The following MAN1A1 variants were observed in gnomAD, a reference collection of about 807,000 sequenced individuals.
MAN1A1 encodes the protein mannosidase alpha class 1A member 1.
In MAN1A1, 29 loss-of-function variants were observed where a neutral mutation model predicts 70.8. The observed-to-expected ratio is 0.41, with a 90% CI of 0.31 to 0.56. The LOEUF (loss-of-function observed/expected upper bound fraction) is 0.56, where lower values mean the gene tolerates loss of function less well. Ranked by LOEUF, MAN1A1 falls within the 20% of genes least tolerant of loss-of-function variation. MAN1A1 has a pLI of 0.29. For missense variants in MAN1A1, 747 were observed against 841.3 expected, an observed-to-expected ratio of 0.89 and a Z score of 1.39; for synonymous variants, 349 against 330.1, an observed-to-expected ratio of 1.06 and a Z score of -0.62.
chr6:119,296,495 C>T (rs531466117), intron 4 of MAN1A1, among the ~76,000 whole-genome samples: 2 of 152,198 alleles, frequency 1.3e-5, no homozygotes, highest in African/African-American at 4.8e-5. Context: ...TAAAACAGAC[C>T]TTTCTCAGGA....
rs1235923036 is a variant in MAN1A1, at chr6:119,349,701, T to G, written c.-382A>C. 1.0e-6 allele frequency: 1 copy of G among 985,658 alleles called. No homozygotes were observed. The highest frequency in any genetic ancestry group is 1.2e-6 in the Non-Finnish European group (1 of 830,056). 61.1% of individuals were successfully genotyped at this position (985,658 alleles called of 1,614,324 possible). ...GCTCAGGTGGGCGAGCGCGCCGACC[T>G]GCGGGCGAATGGCAGCGAGTAGAGC... On this transcript the variant is annotated 5_prime_UTR_variant, in exon 1 of 13. Coordinates refer to ENST00000368468, the MANE Select transcript of MAN1A1 (RefSeq NM_005907.4).
chr6:119,241,528 C>G (rs538784012), intron 6 of MAN1A1, among the ~76,000 whole-genome samples: 6 of 152,194 alleles, frequency 3.9e-5, no homozygotes, highest in Non-Finnish European at 7.3e-5. Context: ...CAGAATCAGG[C>G]TCTCTGCTTA....
chr6:119,204,038 A>G (rs1773790106), intron 7 of MAN1A1, among the ~76,000 whole-genome samples: 1 of 152,208 alleles, frequency 6.6e-6, no homozygotes, highest in South Asian at 2.1e-4. Flanking sequence ...CAGAAGGAGC[A>G]TCCAGCAAAA....
chr6:119,316,951 CTTTT>C (rs11362337), intron 2 of MAN1A1, among the ~76,000 whole-genome samples: 2 of 138,134 alleles, frequency 1.4e-5, no homozygotes, highest in Admixed American at 7.3e-5. Context: ...TATTATTATT[CTTTT>C]TTTTTTTTTT....
intron 7 of MAN1A1, among the ~76,000 whole-genome samples, chr6:119,201,953 G>A (rs1582691702): frequency 1.3e-5 from 2 of 152,144 alleles, no homozygotes; most frequent in South Asian, 4.2e-4. Flanking sequence ...AAGTTGCAGT[G>A]GATGAGTTAG....
rs1775221584 is a variant in MAN1A1, at chr6:119,248,269, T to C, written c.983A>G (p.Asn328Ser). ...AAATGAAGAGTTTTACCTTTTCATA[T>C]TCAGCAATGCCCAAGGTATTCCAGA... ...TPSGIPWALL[N>S]MKSGIGRNWP... The change falls in exon 6 of 13, where the codon AAT becomes AGT. Residue 328 changes from asparagine to serine, a missense_variant. Transcript: ENST00000368468. 2 of 1,606,468 alleles carry C rather than the reference T, an allele frequency of 1.2e-6. No individual in the cohort carries two copies. Among genetic ancestry groups the C allele is most frequent in the Admixed American group, 1.7e-5 (1 of 59,798 alleles).
At chr6:119,203,095 T>C (rs1469152789) in intron 7 of MAN1A1, among the ~76,000 whole-genome samples, 1 of 152,160 alleles carries the variant, frequency 6.6e-6, no homozygotes, top group African/African-American at 2.4e-5. Context: ...AGGCTCAGAA[T>C]AAAACCTACC....
intron 6 of MAN1A1, among the ~76,000 whole-genome samples, chr6:119,220,684 C>A (rs1228976105): frequency 6.6e-6 from 1 of 152,166 alleles, no homozygotes; most frequent in Non-Finnish European, 1.5e-5. Flanking sequence ...TATTAAGTGG[C>A]AAGGGTGGGT....
intron 6 of MAN1A1, among the ~76,000 whole-genome samples, chr6:119,242,134 G>GACACACACACACACAC (rs139698571): frequency 0.022 from 3,368 of 150,532 alleles, 55 homozygotes; most frequent in African/African-American, 0.036. Flanking sequence ...CAGACAGACA[G>GACACACACACACACAC]ACACACACAC....
chr6:119,290,531 T>A, intron 5 of MAN1A1, 152 bp downstream of exon 5: 2 of 578,398 alleles, frequency 3.5e-6, no homozygotes, highest in South Asian at 4.8e-5. Flanking sequence ...CATTAGTACA[T>A]ATTGTAAGAA....
intron 5 of MAN1A1, among the ~76,000 whole-genome samples, chr6:119,283,650 T>G (rs140859996): frequency 2.0e-5 from 3 of 152,056 alleles, no homozygotes; most frequent in African/African-American, 7.2e-5. Context: ...GTGAAAGACA[T>G]TCTAGGTAGA....
chr6:119,320,708 G>A (rs1772981801), intron 2 of MAN1A1, among the ~76,000 whole-genome samples: 1 of 151,880 alleles, frequency 6.6e-6, no homozygotes, highest in Non-Finnish European at 1.5e-5. Flanking sequence ...AATTTGAGGA[G>A]TTTTTCTCCA....
intron 6 of MAN1A1, among the ~76,000 whole-genome samples, chr6:119,208,243 C>G (rs1582697359): frequency 6.6e-6 from 1 of 152,218 alleles, no homozygotes; most frequent in African/African-American, 2.4e-5. Context: ...CTACATCACT[C>G]TAATTATTTA....
chr6:119,298,897 A>G (rs1042949770), intron 4 of MAN1A1, among the ~76,000 whole-genome samples: 2 of 152,170 alleles, frequency 1.3e-5, no homozygotes, highest in South Asian at 2.1e-4. Context: ...CGCCTGGCCA[A>G]CTTTTTAAAT....
intron 6 of MAN1A1, among the ~76,000 whole-genome samples, chr6:119,244,401 A>G (rs1185106506): frequency 1.3e-5 from 2 of 152,120 alleles, no homozygotes; most frequent in Non-Finnish European, 2.9e-5. Flanking sequence ...TTGGTGAAGG[A>G]AACATGTTAG....
chr6:119,336,905 T>C (rs1328901856), intron 2 of MAN1A1, among the ~76,000 whole-genome samples: 1 of 151,940 alleles, frequency 6.6e-6, no homozygotes, highest in Admixed American at 6.6e-5. Flanking sequence ...GTATTCTAGG[T>C]AATAAAGAAA....
chr6:119,181,281 A>G (rs1290915740), intron 11 of MAN1A1, among the ~76,000 whole-genome samples: 1 of 152,170 alleles, frequency 6.6e-6, no homozygotes, highest in Non-Finnish European at 1.5e-5. Context: ...ATCATAAACC[A>G]CTGGTTGAGA....
intron 5 of MAN1A1, among the ~76,000 whole-genome samples, chr6:119,285,033 C>A (rs962905282): frequency 2.8e-5 from 4 of 143,752 alleles, no homozygotes; most frequent in African/African-American, 1.0e-4. Flanking sequence ...CTGGTGGGGC[C>A]CTCAGGAAAC....
At chr6:119,330,789 C>A (rs900551284) in intron 2 of MAN1A1, among the ~76,000 whole-genome samples, 3 of 152,142 alleles carry the variant, frequency 2.0e-5, no homozygotes, top group African/African-American at 7.2e-5. Flanking sequence ...TTGCCTGCAA[C>A]CGGCTAATTC....
Sources: allele counts gnomAD v4.1 joint callset (sites outside exome capture counted in the v4.1 genomes callset), GRCh38; gene constraint gnomAD v4.1.1; transcripts MANE v1.5; gene names NCBI Gene and HGNC (gene_info 2026-07-23, HGNC 2026-07-21).